PTPRD: variants seen among roughly 807,000 people sequenced by gnomAD.
PTPRD encodes protein tyrosine phosphatase receptor type D.
PTPRD carries 34 observed loss-of-function variants against 214.5 expected under a neutral mutation model. The ratio of observed to expected loss-of-function variants is 0.16; its 90% CI spans 0.12 to 0.21. PTPRD has a LOEUF of 0.21. PTPRD is among the 10% of genes least tolerant of loss of function. The pLI is 1.00. For missense variants in PTPRD, 2,545 were observed against 2,398.7 expected, an observed-to-expected ratio of 1.06 and a Z score of -1.27; for synonymous variants, 1,128 against 845.7, an observed-to-expected ratio of 1.33 and a Z score of -5.79.
chr9:8,844,949 G>A (rs867844679), intron 11 of PTPRD, among the ~76,000 whole-genome samples: 7 of 151,962 alleles, frequency 4.6e-5, no homozygotes, highest in Admixed American at 6.6e-5. Context: ...GGACATTACC[G>A]GCACAAGTTT....
chr9:9,130,903 C>T (rs1310497197), intron 10 of PTPRD, among the ~76,000 whole-genome samples: 1 of 152,016 alleles, frequency 6.6e-6, no homozygotes, highest in East Asian at 1.9e-4. Flanking sequence ...ATTTAAAAGC[C>T]GTTGTTTTTA....
intron 43 of PTPRD, 115 bp downstream of exon 43, chr9:8,338,807 T>G: frequency 1.0e-6 from 1 of 957,066 alleles, no homozygotes; most frequent in Non-Finnish European, 1.5e-6. Context: ...GAATGAATGA[T>G]TTCTCTTTGG....
At chr9:10,208,525 A>G (rs62538586) in intron 3 of PTPRD, among the ~76,000 whole-genome samples, 1 of 152,160 alleles carries the variant, frequency 6.6e-6, no homozygotes, top group Non-Finnish European at 1.5e-5. Flanking sequence ...AAAAATAAAA[A>G]GACTAAAACC....
In PTPRD at chr9:8,633,497, A is replaced by C. The variant is rs571910359; in HGVS notation, c.211-39T>G. On this transcript the variant is annotated intron_variant, in intron 13 of 45. Coordinates refer to ENST00000381196, the MANE Select transcript of PTPRD (RefSeq NM_002839.4). ...CAATAGCTGTCACAGGTGTTGTTAC[A>C]ATTGTCTACCTCTCAGCTAAAGCTC... The C allele has an allele frequency of 6.9e-6, 11 of 1,604,150 alleles. No homozygotes were observed. In the East Asian group the frequency reaches 2.2e-4, roughly 33 times the overall value.
At chr9:10,512,307 T>C (rs2784598) in intron 2 of PTPRD, among the ~76,000 whole-genome samples, 31,515 of 151,802 alleles carry the variant, frequency 0.21, 3,913 homozygotes, top group Admixed American at 0.35. Context: ...TGTGTGACTA[T>C]GTGAGTAGAA....
At chr9:9,259,444 A>T (rs1285049011) in intron 9 of PTPRD, among the ~76,000 whole-genome samples, 4 of 151,886 alleles carry the variant, frequency 2.6e-5, no homozygotes, top group Non-Finnish European at 5.9e-5. Flanking sequence ...TCCACCAATG[A>T]ATGTATACCT....
intron 14 of PTPRD, among the ~76,000 whole-genome samples, chr9:8,610,251 A>G (rs550723976): frequency 1.3e-5 from 2 of 152,318 alleles, no homozygotes; most frequent in East Asian, 1.9e-4. Context: ...TGCTGTGAAA[A>G]GTAAAACACA....
At chr9:9,551,491 T>G (rs2080226254) in intron 8 of PTPRD, among the ~76,000 whole-genome samples, 2 of 151,824 alleles carry the variant, frequency 1.3e-5, no homozygotes, top group Admixed American at 1.3e-4. Context: ...GGTAATAGAA[T>G]ATATATATAT....
At chr9:9,863,907 GTC>G (rs1369176355) in intron 5 of PTPRD, among the ~76,000 whole-genome samples, 1 of 151,646 alleles carries the variant, frequency 6.6e-6, no homozygotes, top group Non-Finnish European at 1.5e-5. Flanking sequence ...TCCCTGTCCA[GTC>G]TCTGAATTTT....
chr9:8,665,133 G>A (rs189490279), intron 12 of PTPRD, among the ~76,000 whole-genome samples: 1 of 152,154 alleles, frequency 6.6e-6, no homozygotes, highest in Non-Finnish European at 1.5e-5. Context: ...TTTGGAGGGA[G>A]GGTGTGGTTC....
At chr9:9,713,477 T>C (rs1190964190) in intron 7 of PTPRD, among the ~76,000 whole-genome samples, 4 of 152,174 alleles carry the variant, frequency 2.6e-5, no homozygotes, top group Admixed American at 2.6e-4. Context: ...AAAGGAATTA[T>C]AAATATTTAG....
intron 2 of PTPRD, among the ~76,000 whole-genome samples, chr9:10,411,227 A>C (rs1168614285): frequency 1.3e-5 from 2 of 151,732 alleles, no homozygotes; most frequent in African/African-American, 2.4e-5. Flanking sequence ...TAGGCCTCTA[A>C]ATCACCTAAT....
intron 11 of PTPRD, among the ~76,000 whole-genome samples, chr9:8,826,214 AC>A (rs751527280): frequency 6.6e-6 from 1 of 151,948 alleles, no homozygotes; most frequent in Non-Finnish European, 1.5e-5. Flanking sequence ...TCTCATCCAG[AC>A]TACCTATAAT....
intron 5 of PTPRD, among the ~76,000 whole-genome samples, chr9:9,827,620 C>A (rs1394118150): frequency 3.3e-5 from 5 of 152,060 alleles, no homozygotes; most frequent in African/African-American, 4.8e-5. Context: ...GTCTAAAACA[C>A]CAAAAACAAT....
chr9:9,898,331 G>C (rs1286609544), intron 5 of PTPRD, among the ~76,000 whole-genome samples: 1 of 152,046 alleles, frequency 6.6e-6, no homozygotes, highest in Non-Finnish European at 1.5e-5. Flanking sequence ...TTTAATGAAG[G>C]AGATAGATTT....
At chr9:8,393,706 A>G (rs1207651185) in intron 36 of PTPRD, among the ~76,000 whole-genome samples, 1 of 152,086 alleles carries the variant, frequency 6.6e-6, no homozygotes, top group Non-Finnish European at 1.5e-5. Flanking sequence ...TTCTCTAATT[A>G]ATAACAGTGA....
At chr9:9,909,736 T>C (rs1297413411) in intron 5 of PTPRD, among the ~76,000 whole-genome samples, 1 of 151,866 alleles carries the variant, frequency 6.6e-6, no homozygotes, top group Non-Finnish European at 1.5e-5. Flanking sequence ...GACTTCAACA[T>C]ACAGACATGT....
At chr9:9,459,302 A>C (rs2093409190) in intron 8 of PTPRD, among the ~76,000 whole-genome samples, 1 of 152,086 alleles carries the variant, frequency 6.6e-6, no homozygotes, top group South Asian at 2.1e-4. Flanking sequence ...CAAGATAAGA[A>C]TGTACACTTT....
intron 10 of PTPRD, among the ~76,000 whole-genome samples, chr9:9,058,740 C>A (rs899639973): frequency 6.6e-6 from 1 of 151,802 alleles, no homozygotes; most frequent in African/African-American, 2.4e-5. Flanking sequence ...TGAGCCACCG[C>A]GCCCGGCCGA....
Sources: gnomAD v4.1 joint callset for allele counts (sites outside exome capture counted in the v4.1 genomes callset) on GRCh38, gnomAD v4.1.1 for gene constraint, MANE v1.5 for transcripts, NCBI Gene and HGNC (gene_info 2026-07-23, HGNC 2026-07-21) for gene names.